Variants in EYS observed in about 807,000 individuals in gnomAD.
EYS encodes EGF-like photoreceptor maintenance factor, also known as protein eyes shut homolog.
In EYS, 250 loss-of-function variants were observed where a neutral mutation model predicts 282.1. The observed-to-expected ratio is 0.89, with a 90% CI of 0.80 to 0.98. The LOEUF is 0.98. Ranked by LOEUF, EYS falls within the 50% of genes least tolerant of loss-of-function variation. The probability of loss-of-function intolerance (pLI) is 0.00; values close to 1 mark genes in which losing one functional copy is unlikely to be tolerated. For synonymous variants in EYS, 1,355 were observed against 1,282.9 expected (o/e 1.06, Z -1.20); for missense variants, 4,016 against 3,709.0 (o/e 1.08, Z -2.15).
At chr6:64,642,644 A>G (rs371426156) in intron 22 of EYS, among the ~76,000 whole-genome samples, 4 of 152,196 alleles carry the variant, frequency 2.6e-5, no homozygotes, top group East Asian at 1.9e-4. Flanking sequence ...CTTACATTCA[A>G]TTTTTGAGTA....
chr6:64,799,700 TTATACC>T (rs745532743), intron 22 of EYS, among the ~76,000 whole-genome samples: 1 of 150,560 alleles, frequency 6.6e-6, no homozygotes, highest in Non-Finnish European at 1.5e-5. Flanking sequence ...ATTAATACAT[TTATACC>T]TATGTCTGTA....
chr6:63,895,905 G>GTTTTTTTTTTTTTTTTTTTTTTTTTT (rs10705427), intron 35 of EYS, among the ~76,000 whole-genome samples: 1 of 124,362 alleles, frequency 8.0e-6, no homozygotes, highest in Non-Finnish European at 1.7e-5. Flanking sequence ...ATCATGATTT[G>GTTTTTTTTTTTTTTTTTTTTTTTTTT]TTTTTTTTTT....
chr6:64,424,664 A>C (rs1463000251), intron 28 of EYS, among the ~76,000 whole-genome samples: 1 of 152,174 alleles, frequency 6.6e-6, no homozygotes, highest in East Asian at 1.9e-4. Flanking sequence ...ATCTCAAATC[A>C]AGTTTCATCC....
At chr6:65,348,536 T>C (rs1770485741) in intron 9 of EYS, among the ~76,000 whole-genome samples, 1 of 151,796 alleles carries the variant, frequency 6.6e-6, no homozygotes, top group Non-Finnish European at 1.5e-5. Flanking sequence ...CCACATCTAT[T>C]TAGATCTTTT....
intron 7 of EYS, 30 bp downstream of exon 7, chr6:65,402,448 T>C (rs1257890664): frequency 7.2e-7 from 1 of 1,380,184 alleles, no homozygotes; most frequent in Non-Finnish European, 1.0e-6. Context: ...ATGTACTTTG[T>C]ATTAAAAATA....
intron 13 of EYS, among the ~76,000 whole-genome samples, chr6:65,049,833 C>G (rs967717695): frequency 6.6e-6 from 1 of 151,642 alleles, no homozygotes; most frequent in Non-Finnish European, 1.5e-5. Context: ...GTTTACCAGA[C>G]CTGTCATCCT....
intron 13 of EYS, among the ~76,000 whole-genome samples, chr6:65,028,776 G>T (rs1010337234): frequency 3.3e-5 from 5 of 151,888 alleles, no homozygotes; most frequent in African/African-American, 9.7e-5. Context: ...GAATAATTTT[G>T]TTATTTAAGA....
intron 22 of EYS, among the ~76,000 whole-genome samples, chr6:64,753,910 T>C (rs966057869): frequency 2.0e-5 from 3 of 152,088 alleles, no homozygotes; most frequent in Non-Finnish European, 4.4e-5. Flanking sequence ...AATATATTTT[T>C]AACCTCAGTG....
intron 12 of EYS, among the ~76,000 whole-genome samples, chr6:65,278,059 T>TTTCTTTTCTTTTCTTTTCTC: frequency 6.8e-6 from 1 of 147,308 alleles, no homozygotes; most frequent in African/African-American, 2.5e-5. Flanking sequence ...TTTCTTTTCT[T>TTTCTTTTCTTTTCTTTTCTC]TTTTTCTGCC....
chr6:64,388,386 A>C (rs922450542), intron 29 of EYS, among the ~76,000 whole-genome samples: 1 of 152,172 alleles, frequency 6.6e-6, no homozygotes, highest in South Asian at 2.1e-4. Context: ...TCACTATCTT[A>C]GTGGACAAAT....
At chr6:65,006,243 A>G (rs531796081) in intron 13 of EYS, among the ~76,000 whole-genome samples, 1 of 151,240 alleles carries the variant, frequency 6.6e-6, no homozygotes, top group Non-Finnish European at 1.5e-5. Context: ...AAAAGAAAGA[A>G]AAAGATATTA....
At chr6:64,434,091 C>T (rs1774658032) in intron 28 of EYS, among the ~76,000 whole-genome samples, 1 of 151,900 alleles carries the variant, frequency 6.6e-6, no homozygotes, top group Non-Finnish European at 1.5e-5. Context: ...TTATGGTAGG[C>T]TTTAATCCAA....
chr6:64,755,890 A>G (rs975318590), intron 22 of EYS, among the ~76,000 whole-genome samples: 2 of 152,182 alleles, frequency 1.3e-5, no homozygotes, highest in African/African-American at 2.4e-5. Flanking sequence ...CCTTAAATCT[A>G]TAAAAAATGA....
chr6:65,543,200 G>A (rs1768240417), intron 2 of EYS, among the ~76,000 whole-genome samples: 1 of 150,464 alleles, frequency 6.6e-6, no homozygotes, highest in African/African-American at 2.4e-5. Flanking sequence ...TGTATTTTTA[G>A]TAGAGACGGG....
chr6:64,645,540 G>A (rs1768319101), intron 22 of EYS, among the ~76,000 whole-genome samples: 1 of 152,140 alleles, frequency 6.6e-6, no homozygotes, highest in African/African-American at 2.4e-5. Flanking sequence ...AGACGGCGTG[G>A]AGATGAGTAA....
intron 2 of EYS, among the ~76,000 whole-genome samples, chr6:65,523,109 G>A (rs1767430884): frequency 6.6e-6 from 1 of 152,102 alleles, no homozygotes; most frequent in South Asian, 2.1e-4. Flanking sequence ...AACCCCAAGA[G>A]CAGGCCTGTT....
At chr6:65,703,476 T>C (rs1194703921) in intron 1 of EYS, among the ~76,000 whole-genome samples, 1 of 152,044 alleles carries the variant, frequency 6.6e-6, no homozygotes, top group East Asian at 1.9e-4. Context: ...GCATATTAAC[T>C]TATAAAATAG....
intron 13 of EYS, among the ~76,000 whole-genome samples, chr6:65,026,908 C>T (rs1369004584): frequency 7.7e-6 from 1 of 130,508 alleles, no homozygotes; most frequent in Non-Finnish European, 1.7e-5. Context: ...CAGAGTGAGA[C>T]TCCGTCTCAA....
chr6:64,245,517 A>G (rs1317545302), intron 30 of EYS, among the ~76,000 whole-genome samples: 1 of 149,168 alleles, frequency 6.7e-6, no homozygotes, highest in Non-Finnish European at 1.5e-5. Flanking sequence ...TCTTATATCT[A>G]CTTTAATCTT....
Sources: allele counts gnomAD v4.1 joint callset (sites outside exome capture counted in the v4.1 genomes callset), GRCh38; gene constraint gnomAD v4.1.1; transcripts MANE v1.5; gene names NCBI Gene and HGNC (gene_info 2026-07-23, HGNC 2026-07-21).